INTS8: variants seen among roughly 807,000 people sequenced by gnomAD.
The protein encoded by INTS8 is protein kaonashi-1.
A neutral mutation model predicts 138.9 loss-of-function variants in INTS8; 47 were observed. That is an observed-to-expected ratio of 0.34 (90% CI 0.27 to 0.43). The LOEUF is 0.43. Ranked by LOEUF, INTS8 falls within the 20% of genes least tolerant of loss-of-function variation. The pLI, the probability that INTS8 is intolerant of heterozygous loss-of-function variation, is 1.00. For synonymous variants in INTS8, 392 were observed against 400.9 expected, an observed-to-expected ratio of 0.98 and a Z score of 0.27; for missense variants, 996 against 1,173.0, an observed-to-expected ratio of 0.85 and a Z score of 2.20.
chr8:94,866,833 T>A (rs1486134939), intron 18 of INTS8: 2 of 285,378 alleles, frequency 7.0e-6, no homozygotes, highest in Non-Finnish European at 1.3e-5. Flanking sequence ...TAGGTTTCAC[T>A]CTTTGAACAT....
In INTS8 at chr8:94,851,907, G is replaced by A. The variant is rs1306214050; in HGVS notation, c.1641+221G>A. On this transcript the variant is annotated intron_variant, in intron 13 of 26. Coordinates refer to ENST00000523731, the MANE Select transcript of INTS8 (RefSeq NM_017864.4). ...TTAAATGAGTAACATCTAAAAATGA[G>A]TTTTTCCATTTGTTGACAAAATATA... Among the ~76,000 whole-genome samples, 3 of 152,144 alleles carry A rather than the reference G, an allele frequency of 2.0e-5. No homozygotes were observed. The East Asian group carries it at 5.8e-4, about 29-fold the overall frequency.
Position 94,851,546 on chromosome 8 carries a change from T to C in INTS8, c.1508-7T>C, listed in dbSNP as rs372078099. The C allele has an allele frequency of 1.5e-5, 24 of 1,551,060 alleles. No homozygotes were observed. The highest frequency in any genetic ancestry group is 4.9e-5 in the South Asian group (4 of 82,166). On this transcript the variant is annotated splice_region_variant and splice_polypyrimidine_tract_variant and intron_variant, in intron 12 of 26. Coordinates refer to ENST00000523731, the MANE Select transcript of INTS8 (RefSeq NM_017864.4). ...ATTAAATCATTGAAATATAAATCTT[T>C]TTTTAGCTTCAGCAAGTGTCAACAT...
chr8:94,876,579 G>A, intron 26 of INTS8, 90 bp downstream of exon 26: 2 of 751,798 alleles, frequency 2.7e-6, no homozygotes, highest in East Asian at 2.7e-5. Flanking sequence ...TAGATTTTGT[G>A]TACCTAGTTA....
chr8:94,839,760 C>CGT (rs1460601794), intron 8 of INTS8, among the ~76,000 whole-genome samples: 1 of 152,098 alleles, frequency 6.6e-6, no homozygotes, highest in Non-Finnish European at 1.5e-5. Flanking sequence ...GGCTGGGCAC[C>CGT]GTGGCTCACA....
chr8:94,877,310 T>C (rs905516146), intron 26 of INTS8, among the ~76,000 whole-genome samples: 6 of 152,228 alleles, frequency 3.9e-5, no homozygotes, highest in African/African-American at 1.4e-4. Flanking sequence ...AAAAAAATGC[T>C]ATTTATTAAG....
chr8:94,836,024 G>A (rs1184653605), intron 6 of INTS8, among the ~76,000 whole-genome samples: 3 of 152,196 alleles, frequency 2.0e-5, no homozygotes, highest in Non-Finnish European at 4.4e-5. Context: ...TGAATCATGA[G>A]CTGGTCCTAG....
chr8:94,835,622 CAG>C lies in INTS8; in HGVS notation c.754-899_754-898del, dbSNP rs572901977. ...GCCTGCTTCTTTTTTTTTTTTGAGACAGAGTCTCGCCCTGTCGCCCAGGCTGG... is the reference window on the plus strand; with the variant it reads ...GCCTGCTTCTTTTTTTTTTTTGAGACAGTCTCGCCCTGTCGCCCAGGCTGG... On this transcript the variant is annotated intron_variant, in intron 6 of 26. Transcript: ENST00000523731. Among the ~76,000 whole-genome samples the C allele has an allele frequency of 1.4e-4, 21 of 150,014 alleles. No individual in the cohort carries two copies. The South Asian group carries it at 4.2e-3, about 30-fold the overall frequency.
intron 26 of INTS8, among the ~76,000 whole-genome samples, chr8:94,877,380 A>G (rs987853334): frequency 3.3e-5 from 5 of 152,254 alleles, no homozygotes; most frequent in African/African-American, 9.6e-5. Context: ...AGAAACAATA[A>G]TAACAGCACT....
intron 16 of INTS8, 128 bp downstream of exon 16, chr8:94,859,760 G>A: frequency 1.5e-6 from 1 of 687,888 alleles, no homozygotes. Flanking sequence ...TTGTTGATTT[G>A]TAGTTAAAGG....
chr8:94,826,412 GC>G (rs1457171363), intron 2 of INTS8, among the ~76,000 whole-genome samples: 1 of 152,144 alleles, frequency 6.6e-6, no homozygotes, highest in Non-Finnish European at 1.5e-5. Flanking sequence ...CTCCCGAGTA[GC>G]TGGGACTGCA....
At chr8:94,865,429 C>A in intron 16 of INTS8, 77 bp from the exon 17 acceptor site, 1 of 1,135,400 alleles carries the variant, frequency 8.8e-7, no homozygotes, top group Non-Finnish European at 1.3e-6. Flanking sequence ...ATCTTTCCTC[C>A]AGTGTGCCTT....
chr8:94,827,772 C>G lies in INTS8; in HGVS notation c.497C>G (p.Pro166Arg), dbSNP rs1814563583. 2 of 1,613,864 alleles carry G rather than the reference C, an allele frequency of 1.2e-6. No individual in the cohort carries two copies. The highest frequency in any genetic ancestry group is 1.3e-5 in the African/African-American group (1 of 74,902). Residue 166 changes from proline to arginine, a missense_variant, in exon 4 of 27, where the codon CCC becomes CGC. Pro to Arg is a moderately radical substitution (Grantham distance 103). Coordinates refer to ENST00000523731, the MANE Select transcript of INTS8 (RefSeq NM_017864.4). ...QSSFPVKQAK[P>R]GPPQLSVMNQ... Reference sequence around the variant, plus strand: ...AGTTTTCCAGTCAAACAGGCAAAACCCGGACCCCCTCAGTTAAGTGTGTAA... The same window carrying G: ...AGTTTTCCAGTCAAACAGGCAAAACGCGGACCCCCTCAGTTAAGTGTGTAA...
rs1376050766 is a variant in INTS8 at position 94,856,885 on chromosome 8, C to G, written c.1861C>G (p.His621Asp). The change falls in exon 15 of 27, where the codon CAT (histidine) becomes GAT (aspartate). Residue 621 changes from histidine to aspartate, a missense_variant. Coordinates refer to ENST00000523731, the MANE Select transcript of INTS8 (RefSeq NM_017864.4). ...MLNEMLLLDIHTHEAGTGQAG... is the reference protein window; with the variant it reads ...MLNEMLLLDIDTHEAGTGQAG... ...GAATGAGATGTTGCTTTTGGATATT[C>G]ATACACACGAAGCTGGGACAGGGCA... is the stretch of plus-strand genomic sequence containing the variant. The G allele has an allele frequency of 6.2e-7, 1 of 1,614,082 alleles. No homozygotes were observed. The highest frequency in any genetic ancestry group is 1.3e-5 in the African/African-American group (1 of 75,018).
chr8:94,827,445 G>T (rs779690391), intron 3 of INTS8, 42 bp downstream of exon 3: 1 of 1,599,024 alleles, frequency 6.3e-7, no homozygotes, highest in Non-Finnish European at 8.6e-7. Context: ...GGCAACCTCT[G>T]TTTTATTGCA....
intron 16 of INTS8, among the ~76,000 whole-genome samples, chr8:94,861,240 T>C (rs776054518): frequency 2.1e-5 from 3 of 146,300 alleles, no homozygotes; most frequent in Non-Finnish European, 4.5e-5. Context: ...TCTTCAGTTT[T>C]TCCCCCCTTT....
chr8:94,845,225 G>T (rs533132643), intron 10 of INTS8, among the ~76,000 whole-genome samples: 1 of 151,978 alleles, frequency 6.6e-6, no homozygotes, highest in Admixed American at 6.6e-5. Context: ...TTCCTTTCAC[G>T]TTTAGGTCTT....
intron 16 of INTS8, among the ~76,000 whole-genome samples, chr8:94,860,794 G>A (rs1367356941): frequency 1.3e-5 from 2 of 151,718 alleles, no homozygotes; most frequent in Non-Finnish European, 2.9e-5. Context: ...AGTGGCTCAC[G>A]CCTGCAATCC....
intron 6 of INTS8, 84 bp from the exon 7 acceptor site, chr8:94,836,440 C>T (rs1176466628): frequency 2.6e-5 from 25 of 969,044 alleles, no homozygotes; most frequent in East Asian, 4.9e-5. Context: ...TCTGTGTTTT[C>T]GTGAGATAAA....
At chr8:94,857,072 T>A in intron 15 of INTS8, 94 bp downstream of exon 15, 55 of 143,224 alleles carry the variant, frequency 3.8e-4, no homozygotes, top group Non-Finnish European at 6.0e-4. Flanking sequence ...GTTTGTAATC[T>A]TTTTTTTTTT....
Sources: gnomAD v4.1 joint callset for allele counts (sites outside exome capture counted in the v4.1 genomes callset) on GRCh38, gnomAD v4.1.1 for gene constraint, MANE v1.5 for transcripts, NCBI Gene and HGNC (gene_info 2026-07-23, HGNC 2026-07-21) for gene names.